Variants in PIP5K1C observed in about 807,000 individuals in gnomAD.
PIP5K1C encodes the protein phosphatidylinositol-4-phosphate 5-kinase type 1 gamma.
A neutral mutation model predicts 80.1 loss-of-function variants in PIP5K1C; 45 were observed. That is an observed-to-expected ratio of 0.56 (90% confidence interval 0.44 to 0.72). PIP5K1C has a LOEUF of 0.72. Ranked by LOEUF, PIP5K1C falls within the 30% of genes least tolerant of loss-of-function variation. The probability of loss-of-function intolerance (pLI) is 0.00; values close to 1 mark genes in which losing one functional copy is unlikely to be tolerated. For missense variants in PIP5K1C, 753 were observed against 954.6 expected (o/e 0.79, Z 2.78); for synonymous variants, 498 against 420.1 (o/e 1.19, Z -2.27).
chr19:3,637,258 A>C lies in PIP5K1C; in HGVS notation c.1920+1626T>G. 2 of 1,461,454 alleles carry C rather than the reference A, an allele frequency of 1.4e-6. No homozygotes were observed. Among genetic ancestry groups the C allele is most frequent in the Non-Finnish European group, 1.8e-6 (2 of 1,109,318 alleles). The allele number at this position is 1,461,454 out of a possible 1,614,324, so 90.5% of individuals were successfully genotyped here. A position where few individuals can be genotyped will look rare whatever the true frequency, so the allele number is the denominator to read the frequency against. On this transcript the variant is annotated intron_variant, in intron 16 of 17. Coordinates refer to ENST00000335312, the MANE Select transcript of PIP5K1C (RefSeq NM_012398.3). This position sits in a 1 kb window ranked among gnomAD's most constrained non-coding sequence, Gnocchi z 7.0. The stretch of plus-strand genomic sequence containing the variant: ...CTCGCTGGGGTCTGGCCGGGGTCCG[A>C]AGCAGACCCTGGGCCTCAGCTGTGC...
intron 5 of PIP5K1C, among the ~76,000 whole-genome samples, chr19:3,660,342 T>C (rs2034790825): frequency 6.6e-6 from 1 of 150,742 alleles, no homozygotes; most frequent in Non-Finnish European, 1.5e-5. Flanking sequence ...ATCGCACCAC[T>C]GCACTCCAGC....
At chr19:3,666,300 GC>G (rs1484430905) in intron 2 of PIP5K1C, among the ~76,000 whole-genome samples, 1 of 152,230 alleles carries the variant, frequency 6.6e-6, no homozygotes, top group African/African-American at 2.4e-5. Context: ...CAGCTCGGGT[GC>G]CCTCAGAGGA....
chr19:3,637,686 T>G lies in PIP5K1C; in HGVS notation c.1920+1198A>C. 6.8e-7 allele frequency: 1 copy of G among 1,480,192 alleles called. No individual in the cohort carries two copies. Among genetic ancestry groups the G allele is most frequent in the East Asian group, 2.6e-5 (1 of 38,404 alleles). The allele number at this position is 1,480,192 out of a possible 1,614,324, so 91.7% of individuals were successfully genotyped here. On this transcript the variant is annotated intron_variant, in intron 16 of 17. Transcript: ENST00000335312. The surrounding 1 kb of genome is among the most constrained non-coding windows in gnomAD (Gnocchi z 7.0). Reference sequence around the variant, plus strand: ...ACAGCGGATGAGGCGGCCACCCCCGTGGTCGGGTGGGAGAGGCGGAGGGAG... The same window carrying G: ...ACAGCGGATGAGGCGGCCACCCCCGGGGTCGGGTGGGAGAGGCGGAGGGAG...
chr19:3,636,269 G>A, intron 16 of PIP5K1C: 1 of 490,220 alleles, frequency 2.0e-6, no homozygotes, highest in Non-Finnish European at 2.7e-6. Flanking sequence ...GGAAGTGGGG[G>A]GCAGTAGCAG....
chr19:3,637,068 TCCATGGCCCTGCGGTTCAGAGCCCGGCC>T lies in PIP5K1C; in HGVS notation c.1920+1788_1920+1815del. 7 of 1,200,594 alleles carry T rather than the reference TCCATGGCCCTGCGGTTCAGAGCCCGGCC, an allele frequency of 5.8e-6. No individual in the cohort carries two copies. Among genetic ancestry groups the T allele is most frequent in the Non-Finnish European group, 7.3e-6 (7 of 961,636 alleles). 74.4% of individuals were successfully genotyped at this position (1,200,594 alleles called of 1,614,324 possible). On this transcript the variant is annotated intron_variant, in intron 16 of 17. Transcript: ENST00000335312. This position sits in a 1 kb window ranked among gnomAD's most constrained non-coding sequence, Gnocchi z 7.0. ...GTGGAGAGACCATCTCCTCCCCGTC[TCCATGGCCCTGCGGTTCAGAGCCCGGCC>T]CTGCAGCCACTCTGCTGACCTGTGC...
chr19:3,650,759 CT>C (rs547652546), intron 8 of PIP5K1C, among the ~76,000 whole-genome samples: 1 of 151,864 alleles, frequency 6.6e-6, no homozygotes, highest in Admixed American at 6.6e-5. Context: ...GTGGCAGCCA[CT>C]TTTTTTTTCT....
At chr19:3,683,768 C>A (rs1201192711) in intron 1 of PIP5K1C, among the ~76,000 whole-genome samples, 1 of 152,136 alleles carries the variant, frequency 6.6e-6, no homozygotes, top group Non-Finnish European at 1.5e-5. Context: ...ACAGCCAGTA[C>A]GGAGGCCCCG....
At chr19:3,695,495 A>G (rs953599603) in intron 1 of PIP5K1C, among the ~76,000 whole-genome samples, 1 of 152,156 alleles carries the variant, frequency 6.6e-6, no homozygotes, top group African/African-American at 2.4e-5. Context: ...AGACAGGTAC[A>G]CCGAGGCTGC....
chr19:3,667,945 T>C (rs2035068334), intron 1 of PIP5K1C, among the ~76,000 whole-genome samples: 1 of 152,118 alleles, frequency 6.6e-6, no homozygotes, highest in Admixed American at 6.5e-5. Context: ...CTGCGGTCAG[T>C]GGGAACTGGC....
intron 3 of PIP5K1C, 112 bp downstream of exon 3, chr19:3,664,710 G>C: frequency 1.1e-6 from 1 of 924,934 alleles, no homozygotes. Flanking sequence ...CTGTCCCTGG[G>C]CAGACCCTGG....
Position 3,696,413 on chromosome 19 carries a change from T to C in PIP5K1C, c.94+3884A>G, listed in dbSNP as rs1288845369. ...GTCAGAAAACACGTCAGCAGAGCCATATGTTTCAGGTGGTGACAAACGCTA... is the reference window on the plus strand; with the variant it reads ...GTCAGAAAACACGTCAGCAGAGCCACATGTTTCAGGTGGTGACAAACGCTA... On this transcript the variant is annotated intron_variant, in intron 1 of 17. Coordinates refer to ENST00000335312, the MANE Select transcript of PIP5K1C (RefSeq NM_012398.3). The surrounding 1 kb of genome is among the most constrained non-coding windows in gnomAD (Gnocchi z 4.1). 2.6e-5 allele frequency among the ~76,000 whole-genome samples: 4 copies of C among 152,046 alleles called. No individual in the cohort carries two copies. The highest frequency in any genetic ancestry group is 5.9e-5 in the Non-Finnish European group (4 of 68,010).
chr19:3,681,253 T>TA (rs1234088435), intron 1 of PIP5K1C, among the ~76,000 whole-genome samples: 1 of 150,092 alleles, frequency 6.7e-6, no homozygotes, highest in Non-Finnish European at 1.5e-5. Context: ...TTTTTTGAGA[T>TA]AGAGTCTCGT....
At chr19:3,644,034 C>T (rs1262732451) in intron 12 of PIP5K1C, 53 bp downstream of exon 12, 1 of 1,596,276 alleles carries the variant, frequency 6.3e-7, no homozygotes, top group Non-Finnish European at 8.5e-7. Flanking sequence ...CACGGGGCTG[C>T]TGCTGGCACC....
Position 3,688,884 on chromosome 19 carries a change from C to T in PIP5K1C, c.94+11413G>A, listed in dbSNP as rs1341650379. Among the ~76,000 whole-genome samples the T allele has an allele frequency of 1.3e-5, 2 of 151,244 alleles. No homozygotes were observed. The highest frequency in any genetic ancestry group is 4.0e-4 in the East Asian group (2 of 4,958). On this transcript the variant is annotated intron_variant, in intron 1 of 17. Coordinates refer to ENST00000335312, the MANE Select transcript of PIP5K1C (RefSeq NM_012398.3). The surrounding 1 kb of genome is among the most constrained non-coding windows in gnomAD (Gnocchi z 5.3). ...AGCCGAATACATGCCCCCGGTCCCCCTTCCAGCCTTGTCCCCAACACAGCC... is the reference window on the plus strand; with the variant it reads ...AGCCGAATACATGCCCCCGGTCCCCTTTCCAGCCTTGTCCCCAACACAGCC...
chr19:3,640,051 G>A (rs1187215888), intron 15 of PIP5K1C, among the ~76,000 whole-genome samples: 3 of 152,212 alleles, frequency 2.0e-5, no homozygotes, highest in Non-Finnish European at 2.9e-5. Flanking sequence ...CTGGGTGGAA[G>A]ATAAACCCCC....
At chr19:3,650,565 C>T (rs1007971147) in intron 8 of PIP5K1C, among the ~76,000 whole-genome samples, 2 of 152,200 alleles carry the variant, frequency 1.3e-5, no homozygotes, top group Non-Finnish European at 2.9e-5. Flanking sequence ...GACAGCCCCA[C>T]CCCAGAGAAT....
intron 1 of PIP5K1C, among the ~76,000 whole-genome samples, chr19:3,671,100 CG>C (rs1465598319): frequency 6.6e-6 from 1 of 152,168 alleles, no homozygotes; most frequent in African/African-American, 2.4e-5. Context: ...TGGGCCGGGG[CG>C]GGACGTTCCA....
chr19:3,633,228 T>C (rs2033524313), intron 17 of PIP5K1C, 59 bp from the exon 18 acceptor site: 1 of 731,402 alleles, frequency 1.4e-6, no homozygotes. Context: ...CCAGGCCCCC[T>C]GCCAGGGACT....
At chr19:3,684,896 G>C (rs1310227324) in intron 1 of PIP5K1C, among the ~76,000 whole-genome samples, 1 of 152,222 alleles carries the variant, frequency 6.6e-6, no homozygotes, top group Non-Finnish European at 1.5e-5. Flanking sequence ...TCACTCAGCA[G>C]TCAGGGCCAG....
Sources: allele counts gnomAD v4.1 joint callset (sites outside exome capture counted in the v4.1 genomes callset), GRCh38; gene constraint gnomAD v4.1.1; non-coding constraint Gnocchi (gnomAD v3.1); transcripts MANE v1.5; gene names NCBI Gene and HGNC (gene_info 2026-07-23, HGNC 2026-07-21).